Variants in CIC observed in about 807,000 individuals in gnomAD.
The protein encoded by CIC is capicua transcriptional repressor.
A neutral mutation model predicts 115.7 loss-of-function variants in CIC; 18 were observed. That is an observed-to-expected ratio of 0.16 (90% CI 0.11 to 0.23). The LOEUF is 0.23. Among genes scored for constraint, CIC ranks in the 10% least tolerant of loss-of-function variants. CIC has a pLI of 1.00. For synonymous variants in CIC, 1,076 were observed against 923.0 expected (o/e 1.17, Z -3.01); for missense variants, 2,000 against 2,159.3 (o/e 0.93, Z 1.46).
Position 42,270,701 on chromosome 19 carries a change from A to G in CIC, c.-10-1073A>G, listed in dbSNP as rs1026493990. 6.6e-6 allele frequency among the ~76,000 whole-genome samples: 1 copy of G among 151,956 alleles called. No homozygotes were observed. The highest frequency in any genetic ancestry group is 6.6e-5 in the Admixed American group (1 of 15,264). On this transcript the variant is annotated intron_variant, in intron 1 of 20. Transcript: ENST00000681038. The surrounding 1 kb of genome is among the most constrained non-coding windows in gnomAD (Gnocchi z 4.1). ...GCCCAGCCAGGGCGGGGATGCATGC[A>G]GGCAAGAAGAGGGGGGCTGGGCTTG...
chr19:42,293,583 C>T lies in CIC; in HGVS notation c.6523-9C>T, dbSNP rs941458425. 2 of 1,613,850 alleles carry T rather than the reference C, an allele frequency of 1.2e-6. No individual in the cohort carries two copies. The highest frequency in any genetic ancestry group is 8.5e-7 in the Non-Finnish European group (1 of 1,180,020). On this transcript the variant is annotated splice_polypyrimidine_tract_variant and intron_variant, in intron 16 of 20. Transcript: ENST00000681038. ...GTGTTCGCCATCTCCCTGCCCATCT[C>T]CACCCCAGGCCAGCAAATTCCCCAG...
rs1304378326 is a variant in CIC at position 42,272,197 on chromosome 19, A to T, written c.414A>T (p.Glu138Asp). 2.5e-6 allele frequency: 1 copy of T among 398,830 alleles called. No individual in the cohort carries two copies. Among genetic ancestry groups the T allele is most frequent in the African/African-American group, 2.1e-5 (1 of 48,642 alleles). 24.7% of individuals were successfully genotyped at this position (398,830 alleles called of 1,614,324 possible). The change falls in exon 2 of 21, where the codon GAA becomes GAT. Residue 138 changes from glutamate (E) to aspartate (D), a missense_variant. Physicochemically the swap from Glu to Asp is conservative, Grantham distance 45. This residue lies in a region of CIC where 222 missense variants were observed against 247.7 expected (regional missense o/e 0.90). Coordinates refer to ENST00000681038, the MANE Select transcript of CIC (RefSeq NM_001386298.1). The part of the protein sequence containing the change: ...AGSSGVAGAP[E>D]ERVRTPEEAS... ...GCAGTGGGGTGGCTGGGGCCCCTGAAGAGCGGGTGCGGACCCCTGAGGAGG... is the reference window on the plus strand; with the variant it reads ...GCAGTGGGGTGGCTGGGGCCCCTGATGAGCGGGTGCGGACCCCTGAGGAGG...
Position 42,291,450 on chromosome 19 carries a change from C to T in CIC, c.5409C>T (p.Ser1803=), listed in dbSNP as rs369142752. Residue 1803 remains serine (S), a synonymous_variant, in exon 11 of 21, where the codon TCC becomes TCT. Coordinates refer to ENST00000681038, the MANE Select transcript of CIC (RefSeq NM_001386298.1). ...PGIPILQSVP[S]APPPKAQSVS... The stretch of plus-strand genomic sequence containing the variant: ...TCCCCATCCTGCAGTCTGTACCCTC[C>T]GCCCCACCCCCCAAAGGTGAGACCT... The T allele has an allele frequency of 4.3e-5, 69 of 1,613,074 alleles. No homozygotes were observed. The highest frequency in any genetic ancestry group is 1.8e-4 in the Admixed American group (11 of 60,012).
At chr19:42,288,255 G>A (rs938727157) in intron 7 of CIC, among the ~76,000 whole-genome samples, 10 of 152,216 alleles carry the variant, frequency 6.6e-5, no homozygotes, top group South Asian at 4.1e-4. Flanking sequence ...GCTGTAGTCT[G>A]CAAAACCCCA....
In CIC at chr19:42,289,366, C is replaced by T. The variant is rs565730713; in HGVS notation, c.4047C>T (p.Arg1349=). ...ASEDMTSDEE[R]MVICEEEGDD... is the part of the protein sequence containing the mutation. Reference sequence around the variant, plus strand: ...AGGACATGACGAGTGATGAGGAGCGCATGGTCATCTGTGAGGAGGAAGGGG... The same window carrying T: ...AGGACATGACGAGTGATGAGGAGCGTATGGTCATCTGTGAGGAGGAAGGGG... The change falls in exon 9 of 21, where the codon CGC becomes CGT. Residue 1349 remains arginine, a synonymous_variant. Transcript: ENST00000681038. 2 of 1,610,936 alleles carry T rather than the reference C, an allele frequency of 1.2e-6. No homozygotes were observed. The highest frequency in any genetic ancestry group is 2.2e-5 in the South Asian group (2 of 90,788).
At position 42,294,047 on chromosome 19, in the gene CIC, G is replaced by C; in HGVS notation, c.6880G>C (p.Ala2294Pro). The C allele has an allele frequency of 6.2e-7, 1 of 1,613,496 alleles. No homozygotes were observed. Residue 2294 changes from alanine (A) to proline (P), a missense_variant, in exon 18 of 21, where the codon GCC (alanine) becomes CCC (proline). Coordinates refer to ENST00000681038, the MANE Select transcript of CIC (RefSeq NM_001386298.1). Reference sequence around the variant, plus strand: ...GCAGTCTCTGGCCACCTCACCCCGGGCCATCCTGGGCTCTTACCGCAAGAA... The same window carrying C: ...GCAGTCTCTGGCCACCTCACCCCGGCCCATCCTGGGCTCTTACCGCAAGAA... ...TLQSLATSPRAILGSYRKKRK... is the reference protein window; with the variant it reads ...TLQSLATSPRPILGSYRKKRK...
intron 2 of CIC, among the ~76,000 whole-genome samples, chr19:42,275,191 T>A (rs1445056408): frequency 6.6e-6 from 1 of 151,992 alleles, no homozygotes; most frequent in Non-Finnish European, 1.5e-5. Context: ...GTGGTCATAG[T>A]GCTGGATTAC....
intron 2 of CIC, among the ~76,000 whole-genome samples, chr19:42,284,954 G>A (rs1163517992): frequency 1.3e-5 from 2 of 152,214 alleles, no homozygotes; most frequent in African/African-American, 4.8e-5. Flanking sequence ...GTGTAGCGGA[G>A]TGGGGCGTAT....
In CIC at chr19:42,290,894, C is replaced by T; in HGVS notation, c.4853C>T (p.Thr1618Ile). ...CCAAATGACACAGCAGGTGCCAGGA[C>T]TGAAATGGGCACTGGGTCTCGGGTG... ...ASPNDTAGAR[T>I]EMGTGSRVPG... The change falls in exon 11 of 21, where the codon ACT (threonine) becomes ATT (isoleucine). Residue 1618 changes from threonine (T) to isoleucine (I), a missense_variant. Coordinates refer to ENST00000681038, the MANE Select transcript of CIC (RefSeq NM_001386298.1). The T allele has an allele frequency of 1.9e-6, 3 of 1,613,420 alleles. No individual in the cohort carries two copies. Among genetic ancestry groups the T allele is most frequent in the Non-Finnish European group, 2.5e-6 (3 of 1,179,978 alleles).
rs143443453 is a variant in CIC, at chr19:42,290,372, C to T, written c.4331C>T (p.Ser1444Phe). Residue 1444 changes from serine (S) to phenylalanine (F), a missense_variant, in exon 11 of 21, where the codon TCT becomes TTT. Physicochemically the swap from Ser to Phe is radical, Grantham distance 155. Coordinates refer to ENST00000681038, the MANE Select transcript of CIC (RefSeq NM_001386298.1). ...GGCTATGGTTCCGCCCCATCCTCCT[C>T]TGCGTCCTCGCCTGCTTCCTCCTCA... ...GKGYGSAPSS[S>F]ASSPASSSAS... 5.6e-6 allele frequency: 9 copies of T among 1,614,042 alleles called. No individual in the cohort carries two copies. In the African/African-American group the frequency reaches 8.0e-5, roughly 14 times the overall value.
chr19:42,290,685 G>A lies in CIC; in HGVS notation c.4644G>A (p.Glu1548=), dbSNP rs771715259. ...QTLVLPPNKE[E]QEGGGARVPS... is the part of the protein sequence containing the mutation. ...TGGTGCTGCCCCCAAACAAGGAGGAGCAAGAGGGCGGCGGAGCCAGAGTGC... is the reference window on the plus strand; with the variant it reads ...TGGTGCTGCCCCCAAACAAGGAGGAACAAGAGGGCGGCGGAGCCAGAGTGC... The change falls in exon 11 of 21, where the codon GAG becomes GAA. Residue 1548 remains glutamate, a synonymous_variant. Coordinates refer to ENST00000681038, the MANE Select transcript of CIC (RefSeq NM_001386298.1). 2.5e-6 allele frequency: 4 copies of A among 1,613,140 alleles called. No individual in the cohort carries two copies. The South Asian group carries it at 4.4e-5, about 18-fold the overall frequency.
chr19:42,277,632 C>T (rs1203441291), intron 2 of CIC, among the ~76,000 whole-genome samples: 2 of 152,228 alleles, frequency 1.3e-5, no homozygotes, highest in East Asian at 1.9e-4. Context: ...CTCTACTGAG[C>T]GAAGACTGTG....
At chr19:42,293,881 G>C (rs375249810) in intron 17 of CIC, 45 bp downstream of exon 17, 4 of 1,613,020 alleles carry the variant, frequency 2.5e-6, no homozygotes, top group African/African-American at 1.3e-5. Flanking sequence ...AGGGTGGCGG[G>C]AGTGGGAGCA....
chr19:42,291,904 C>T (rs1304577370), intron 12 of CIC, among the ~76,000 whole-genome samples, 159 bp downstream of exon 12: 1 of 152,156 alleles, frequency 6.6e-6, no homozygotes, highest in Non-Finnish European at 1.5e-5. Context: ...CTCAAGTCCT[C>T]AGTGTCTGTA....
intron 2 of CIC, among the ~76,000 whole-genome samples, chr19:42,275,043 A>G (rs570658295): frequency 2.0e-5 from 3 of 152,290 alleles, no homozygotes; most frequent in East Asian, 1.9e-4. Flanking sequence ...TTTTATCTTC[A>G]CAACCACCCT....
intron 2 of CIC, among the ~76,000 whole-genome samples, chr19:42,282,760 A>G (rs931602604): frequency 6.6e-6 from 1 of 152,182 alleles, no homozygotes; most frequent in African/African-American, 2.4e-5. Context: ...TGGGTGTAAT[A>G]AAGCATACCT....
In CIC at chr19:42,273,936, T is replaced by A; in HGVS notation, c.2153T>A (p.Leu718Gln). Residue 718 changes from leucine to glutamine, a missense_variant, in exon 2 of 21, where the codon CTG becomes CAG. By Grantham distance (113) the Leu-to-Gln change is moderately radical. Transcript: ENST00000681038. ...AGCCCTGGGCGACGGAAGACAGAGCTGTTGCCGCATCCAGGGGCCTTGGGG... is the reference window on the plus strand; with the variant it reads ...AGCCCTGGGCGACGGAAGACAGAGCAGTTGCCGCATCCAGGGGCCTTGGGG... ...PISPGRRKTE[L>Q]LPHPGALGAP... 2.5e-6 allele frequency: 1 copy of A among 398,288 alleles called. No individual in the cohort carries two copies. Among genetic ancestry groups the A allele is most frequent in the Non-Finnish European group, 4.4e-6 (1 of 226,072 alleles). 24.7% of individuals were successfully genotyped at this position (398,288 alleles called of 1,614,324 possible).
At chr19:42,292,497 G>A in intron 14 of CIC, 31 bp downstream of exon 14, 4 of 1,611,352 alleles carry the variant, frequency 2.5e-6, no homozygotes, top group Non-Finnish European at 1.7e-6. Context: ...CAGTGCTGGG[G>A]ACCCAGGGTG....
intron 2 of CIC, among the ~76,000 whole-genome samples, chr19:42,285,540 G>A (rs1289430989): frequency 3.3e-5 from 5 of 152,176 alleles, no homozygotes; most frequent in African/African-American, 1.2e-4. Context: ...ATCAGGTCTC[G>A]AGGCCAGTGC....
Sources: gnomAD v4.1 joint callset for allele counts (sites outside exome capture counted in the v4.1 genomes callset) on GRCh38, gnomAD v4.1.1 for gene constraint, gnomAD v4.1.1 regional missense constraint, Gnocchi (gnomAD v3.1) non-coding constraint, MANE v1.5 for transcripts, NCBI Gene and HGNC (gene_info 2026-07-23, HGNC 2026-07-21) for gene names.